Variants in NCL observed in about 807,000 individuals in gnomAD.
NCL encodes nucleolin multifunctional protein.
Under a neutral mutation model 77.7 loss-of-function variants are expected in NCL, and 4 were observed. The ratio of observed to expected loss-of-function variants is 0.05; its 90% CI spans 0.03 to 0.12. The LOEUF is 0.12. NCL is among the 10% of genes least tolerant of loss of function. The pLI is 1.00. For missense variants in NCL, 763 were observed against 860.9 expected (o/e 0.89, Z 1.42); for synonymous variants, 344 against 297.8 (o/e 1.16, Z -1.60).
rs779195611 is a variant in NCL at position 231,457,134 on chromosome 2, G to C, written c.1448-10C>G. 39 of 1,613,456 alleles carry C rather than the reference G, an allele frequency of 2.4e-5. No individual in the cohort carries two copies. The South Asian group carries it at 3.7e-4, about 15-fold the overall frequency. ...AGAGTTTTTGATTCACCTGCAAATA[G>C]AGATGCCACATTCCTAAGACTCTGA... On this transcript the variant is annotated splice_polypyrimidine_tract_variant and intron_variant, in intron 9 of 13. Transcript: ENST00000322723.
At chr2:231,462,188 C>A (rs879027490) in intron 2 of NCL, 171 bp from the exon 3 acceptor site, 1 of 895,616 alleles carries the variant, frequency 1.1e-6, no homozygotes, top group Non-Finnish European at 1.8e-6. Context: ...TAAGTCAGAG[C>A]CCCTATCATA....
chr2:231,456,341 C>A (rs2046887664), intron 11 of NCL: 2 of 871,850 alleles, frequency 2.3e-6, no homozygotes, highest in Admixed American at 4.0e-5. Context: ...TGATATCCTG[C>A]CCCAGATCTT....
rs764363490 is a variant in NCL, at chr2:231,455,216, T to C, written c.2108A>G (p.Gln703Arg). ...GRGGGGDHKP[Q>R]GKKTKFE is the part of the protein sequence containing the mutation. The stretch of plus-strand genomic sequence containing the variant: ...CTATTCAAACTTCGTCTTCTTTCCT[T>C]GTGGCTTGTGGTCACCTCCTCCTCC... Residue 703 changes from glutamine (Q) to arginine (R), a missense_variant, in exon 14 of 14, where the codon CAA becomes CGA. By Grantham distance (43) the Gln-to-Arg change is conservative. Transcript: ENST00000322723. 1.5e-5 allele frequency: 25 copies of C among 1,614,216 alleles called. No individual in the cohort carries two copies. In the East Asian group the frequency reaches 3.3e-4, roughly 22 times the overall value.
At position 231,461,414 on chromosome 2, in the gene NCL, A is replaced by C. The variant is rs1327149599; in HGVS notation, c.613+126T>G. ...GTAATTAAGTCTAGCACACCACAAC[A>C]ACCCAGAGAATTCCCACAAGGATTC... On this transcript the variant is annotated intron_variant, in intron 3 of 13. Coordinates refer to ENST00000322723, the MANE Select transcript of NCL (RefSeq NM_005381.3). 8.2e-6 allele frequency: 12 copies of C among 1,461,752 alleles called. No individual in the cohort carries two copies. The Admixed American group carries it at 1.1e-4, about 13-fold the overall frequency. The allele number at this position is 1,461,752 out of a possible 1,614,324, so 90.5% of individuals were successfully genotyped here.
Position 231,460,851 on chromosome 2 carries a change from G to A in NCL, c.629C>T (p.Ala210Val), listed in dbSNP as rs778405975. The A allele has an allele frequency of 1.2e-6, 2 of 1,613,994 alleles. No individual in the cohort carries two copies. The highest frequency in any genetic ancestry group is 1.7e-6 in the Non-Finnish European group (2 of 1,179,970). ...DDEEDDSEEE[A>V]METTPAKGKK... is the part of the protein sequence containing the mutation. Reference sequence around the variant, plus strand: ...TCCTTTGGCTGGTGTAGTCTCCATAGCTTCTTCTTCAGAGTCTGAAAGAGA... The same window carrying A: ...TCCTTTGGCTGGTGTAGTCTCCATAACTTCTTCTTCAGAGTCTGAAAGAGA... The change falls in exon 4 of 14, where the codon GCT becomes GTT. Residue 210 changes from alanine to valine, a missense_variant. Physicochemically the swap from Ala to Val is moderately conservative, Grantham distance 64 (BLOSUM62 0). Around this residue, in one of 2 missense-constraint regions of NCL, gnomAD observed 590 missense variants for 570.5 expected, o/e 1.03. Transcript: ENST00000322723.
Position 231,455,051 on chromosome 2 carries a change from A to G in NCL, c.*140T>C. ...ACACGGTATTGCCCTTGAAATGTTA[A>G]CTAGACGGATTTCCAAGGAGACCAC... On this transcript the variant is annotated 3_prime_UTR_variant, in exon 14 of 14. Coordinates refer to ENST00000322723, the MANE Select transcript of NCL (RefSeq NM_005381.3). 1.1e-6 allele frequency: 1 copy of G among 898,996 alleles called. No homozygotes were observed. The highest frequency in any genetic ancestry group is 3.5e-4 in the Middle Eastern group (1 of 2,842). 55.7% of individuals were successfully genotyped at this position (898,996 alleles called of 1,614,324 possible).
rs2046945650 is a variant in NCL, at chr2:231,461,151, C to A, written c.614-285G>T. Among the ~76,000 whole-genome samples the A allele has an allele frequency of 2.0e-5, 3 of 151,894 alleles. No individual in the cohort carries two copies. In the South Asian group the frequency reaches 6.2e-4, roughly 32 times the overall value. ...AAAATTAGTAGGGTGTGGTGGTGGG[C>A]ACCTGTAATCCCAGCTACTCGGGAG... On this transcript the variant is annotated intron_variant, in intron 3 of 13. Coordinates refer to ENST00000322723, the MANE Select transcript of NCL (RefSeq NM_005381.3).
chr2:231,463,632 T>C (rs1424130323), intron 1 of NCL: 8 of 318,568 alleles, frequency 2.5e-5, no homozygotes, highest in Non-Finnish European at 4.0e-5. Context: ...CCCGGTACTT[T>C]ATTCTACCAC....
Position 231,461,765 on chromosome 2 carries a change from G to T in NCL, c.388C>A (p.Pro130Thr), listed in dbSNP as rs1484958580. The change falls in exon 3 of 14, where the codon CCA becomes ACA. Residue 130 changes from proline (P) to threonine (T), a missense_variant. Pro to Thr is a conservative substitution (Grantham distance 38). Around this residue, in one of 2 missense-constraint regions of NCL, gnomAD observed 590 missense variants for 570.5 expected, o/e 1.03. Coordinates refer to ENST00000322723, the MANE Select transcript of NCL (RefSeq NM_005381.3). The part of the protein sequence containing the change: ...ATPGKKGAAI[P>T]AKGAKNGKNA... The stretch of plus-strand genomic sequence containing the variant: ...TTGCCATTCTTTGCCCCCTTGGCTG[G>T]GATGGCAGCACCCTTCTTACCAGGA... The T allele has an allele frequency of 1.2e-6, 2 of 1,614,006 alleles. No homozygotes were observed. The highest frequency in any genetic ancestry group is 1.7e-6 in the Non-Finnish European group (2 of 1,180,036).
At chr2:231,464,233 A>G (rs888673245) in intron 1 of NCL, 103 bp downstream of exon 1, 26 of 1,504,422 alleles carry the variant, frequency 1.7e-5, no homozygotes, top group Middle Eastern at 2.2e-4. Context: ...ATGGCGCCCT[A>G]GAACGCGCCC....
Position 231,464,476 on chromosome 2 carries a change from C to T in NCL, c.-123G>A. Reference sequence around the variant, plus strand: ...ACGTACACCCGAAGGCCAGCGAGAGCTCGAGACTGAGGCGAAAGACTGAGC... The same window carrying T: ...ACGTACACCCGAAGGCCAGCGAGAGTTCGAGACTGAGGCGAAAGACTGAGC... On this transcript the variant is annotated 5_prime_UTR_variant, in exon 1 of 14. Transcript: ENST00000322723. 7.3e-7 allele frequency: 1 copy of T among 1,371,904 alleles called. No homozygotes were observed. The allele number at this position is 1,371,904 out of a possible 1,614,324, so 85.0% of individuals were successfully genotyped here. A position where few individuals can be genotyped will look rare whatever the true frequency, so the allele number is the denominator to read the frequency against.
intron 3 of NCL, among the ~76,000 whole-genome samples, chr2:231,461,224 C>T (rs184245260): frequency 2.6e-5 from 4 of 150,998 alleles, no homozygotes; most frequent in African/African-American, 9.8e-5. Flanking sequence ...TGCAGTGAGC[C>T]GAGATAGCGC....
chr2:231,464,131 C>T (rs2046978007), intron 1 of NCL: 2 of 1,382,936 alleles, frequency 1.4e-6, no homozygotes, highest in South Asian at 1.6e-5. Context: ...CCGCGTTCGC[C>T]GCCCCCAGCA....
rs974819655 is a variant in NCL, at chr2:231,456,993, T to G, written c.1571+8A>C. 2 of 1,613,822 alleles carry G rather than the reference T, an allele frequency of 1.2e-6. No homozygotes were observed. The highest frequency in any genetic ancestry group is 1.7e-6 in the Non-Finnish European group (2 of 1,179,852). ...CCTATAACTGATGATACAAAGGTAT[T>G]ATCTTACCCTTTAGATTTGCCATTT... is the stretch of plus-strand genomic sequence containing the variant. On this transcript the variant is annotated splice_region_variant and intron_variant, in intron 10 of 13. Coordinates refer to ENST00000322723, the MANE Select transcript of NCL (RefSeq NM_005381.3).
Position 231,454,975 on chromosome 2 carries a change from C to T in NCL, c.*216G>A, listed in dbSNP as rs2046870036. On this transcript the variant is annotated 3_prime_UTR_variant, in exon 14 of 14. Transcript: ENST00000322723. ...TTCAAAACTTACAGATAAGGGTTAG[C>T]TCTATCACTCAACTCTTTAAAAAGT... 1.9e-6 allele frequency: 1 copy of T among 529,722 alleles called. No homozygotes were observed. Among genetic ancestry groups the T allele is most frequent in the East Asian group, 2.9e-5 (1 of 34,200 alleles). 32.8% of individuals were successfully genotyped at this position (529,722 alleles called of 1,614,324 possible). A position where few individuals can be genotyped will look rare whatever the true frequency, so the allele number is the denominator to read the frequency against.
Position 231,457,074 on chromosome 2 carries a change from C to G in NCL, c.1498G>C (p.Glu500Gln). The change falls in exon 10 of 14, where the codon GAA becomes CAA. Residue 500 changes from glutamate (E) to glutamine (Q), a missense_variant. This residue lies in a region of NCL where 173 missense variants were observed against 290.4 expected (regional missense o/e 0.60). Coordinates refer to ENST00000322723, the MANE Select transcript of NCL (RefSeq NM_005381.3). ...LSNLSYSATE[E>Q]TLQEVFEKAT... ...TTCTCAAATACTTCCTGAAGAGTTT[C>G]TTCTGTTGCACTGTAGGAGAGGTTG... 1.2e-6 allele frequency: 2 copies of G among 1,614,072 alleles called. No homozygotes were observed. Among genetic ancestry groups the G allele is most frequent in the Non-Finnish European group, 8.5e-7 (1 of 1,179,972 alleles).
chr2:231,454,458 T>C lies in NCL; in HGVS notation c.*733A>G, dbSNP rs1372905141. The C allele has an allele frequency of 6.6e-6, 1 of 152,342 alleles. No individual in the cohort carries two copies. The highest frequency in any genetic ancestry group is 1.9e-4 in the East Asian group (1 of 5,206). 9.4% of individuals were successfully genotyped at this position (152,342 alleles called of 1,614,324 possible). A position where few individuals can be genotyped will look rare whatever the true frequency, so the allele number is the denominator to read the frequency against. ...ACTGCTCTTCCCTGAAGCTCTTCCT[T>C]GTCCTAGGAAACCTGACTAATCTGT... On this transcript the variant is annotated 3_prime_UTR_variant, in exon 14 of 14. Coordinates refer to ENST00000322723, the MANE Select transcript of NCL (RefSeq NM_005381.3).
At chr2:231,462,055 C>T (rs778385721) in intron 2 of NCL, 38 bp from the exon 3 acceptor site, 3 of 1,606,354 alleles carry the variant, frequency 1.9e-6, no homozygotes, top group Non-Finnish European at 2.6e-6. Flanking sequence ...TAAGTCCAGC[C>T]CCACACCCAA....
At position 231,454,771 on chromosome 2, in the gene NCL, AT is replaced by A. The variant is rs2046866495; in HGVS notation, c.*419del. ...CGTCTGGCACCAGAGTTGACTTTTA[AT>A]TTGTCCTAAAGCCGCTGAAGCAAAA... On this transcript the variant is annotated 3_prime_UTR_variant, in exon 14 of 14. Transcript: ENST00000322723. The A allele has an allele frequency of 6.2e-6, 1 of 161,102 alleles. No individual in the cohort carries two copies. The highest frequency in any genetic ancestry group is 1.4e-5 in the Non-Finnish European group (1 of 73,900). 10.0% of individuals were successfully genotyped at this position (161,102 alleles called of 1,614,324 possible).
Sources: gnomAD v4.1 joint callset for allele counts (sites outside exome capture counted in the v4.1 genomes callset) on GRCh38, gnomAD v4.1.1 for gene constraint, gnomAD v4.1.1 regional missense constraint, MANE v1.5 for transcripts, NCBI Gene and HGNC (gene_info 2026-07-23, HGNC 2026-07-21) for gene names.